The following DSCAM variants were observed in gnomAD, a reference collection of about 807,000 sequenced individuals.
DSCAM encodes DS cell adhesion molecule, also known as cell adhesion molecule DSCAM.
In DSCAM, 47 loss-of-function variants were observed where a neutral mutation model predicts 217.7. The ratio of observed to expected loss-of-function variants is 0.22; its 90% confidence interval spans 0.17 to 0.28. DSCAM has a LOEUF of 0.28. DSCAM is among the 10% of genes least tolerant of loss of function. The pLI is 1.00. For missense variants in DSCAM, 2,080 were observed against 2,618.3 expected (o/e 0.79, Z 4.49); for synonymous variants, 1,056 against 1,015.3 (o/e 1.04, Z -0.76).
chr21:40,156,499 A>G (rs1170336062), intron 16 of DSCAM, among the ~76,000 whole-genome samples: 1 of 152,184 alleles, frequency 6.6e-6, no homozygotes. Flanking sequence ...AACTGGAAGG[A>G]ATTCCTGAGT....
chr21:40,543,912 T>C (rs2076561080), intron 3 of DSCAM, among the ~76,000 whole-genome samples: 1 of 152,202 alleles, frequency 6.6e-6, no homozygotes, highest in South Asian at 2.1e-4. Context: ...TTGTGTTCAT[T>C]ATTTGTCTCA....
intron 3 of DSCAM, among the ~76,000 whole-genome samples, chr21:40,623,382 G>A (rs918121147): frequency 1.3e-5 from 2 of 152,180 alleles, no homozygotes; most frequent in African/African-American, 4.8e-5. Flanking sequence ...AAATTGTGAT[G>A]TGTATATGTA....
chr21:40,567,962 G>A (rs1384125038), intron 3 of DSCAM, among the ~76,000 whole-genome samples: 2 of 151,650 alleles, frequency 1.3e-5, no homozygotes, highest in Non-Finnish European at 2.9e-5. Context: ...TTTTGAGACT[G>A]ACTCTCATTC....
At chr21:40,078,082 T>C (rs965321328) in intron 26 of DSCAM, among the ~76,000 whole-genome samples, 21 of 152,212 alleles carry the variant, frequency 1.4e-4, no homozygotes, top group Non-Finnish European at 2.9e-5. Flanking sequence ...TTAAACCATT[T>C]ATTTTTGGTT....
intron 18 of DSCAM, among the ~76,000 whole-genome samples, chr21:40,139,468 G>A (rs990233675): frequency 3.3e-5 from 5 of 152,032 alleles, no homozygotes; most frequent in African/African-American, 7.3e-5. Context: ...GGGAAGGGTT[G>A]CGTTCTTCTG....
Position 40,476,492 on chromosome 21 carries a change from G to A in DSCAM, c.509-107247C>T, listed in dbSNP as rs141433727. ...TCATAATAATATTGATGATGATAGTGACAATCACAAACATTTAATAAGAGG... is the reference window on the plus strand; with the variant it reads ...TCATAATAATATTGATGATGATAGTAACAATCACAAACATTTAATAAGAGG... On this transcript the variant is annotated intron_variant, in intron 3 of 32. Coordinates refer to ENST00000400454, the MANE Select transcript of DSCAM (RefSeq NM_001389.5). 6.3e-3 allele frequency among the ~76,000 whole-genome samples: 956 copies of A among 152,310 alleles called. 6 individuals are homozygous for A. The highest frequency in any genetic ancestry group is 9.2e-3 in the Non-Finnish European group (623 of 68,034).
chr21:40,050,676 T>C (rs1037752315), intron 30 of DSCAM, among the ~76,000 whole-genome samples: 8 of 151,974 alleles, frequency 5.3e-5, no homozygotes, highest in African/African-American at 1.7e-4. Flanking sequence ...AGAGACGAGG[T>C]TTCACCATGT....
chr21:40,372,623 C>T (rs1359605515), intron 3 of DSCAM, among the ~76,000 whole-genome samples: 1 of 152,190 alleles, frequency 6.6e-6, no homozygotes. Flanking sequence ...CCCAGACTGC[C>T]AGATGTTCAA....
intron 14 of DSCAM, among the ~76,000 whole-genome samples, chr21:40,180,181 A>G (rs1025950866): frequency 6.6e-6 from 1 of 152,276 alleles, no homozygotes; most frequent in Admixed American, 6.5e-5. Flanking sequence ...CAAATAAACC[A>G]CAAATACATG....
At chr21:40,141,937 C>G (rs994932185) in intron 18 of DSCAM, among the ~76,000 whole-genome samples, 1 of 149,862 alleles carries the variant, frequency 6.7e-6, no homozygotes, top group Admixed American at 6.7e-5. Context: ...AAAGCCTTGC[C>G]CTAAACAAAC....
chr21:40,785,674 C>T (rs998600178), intron 1 of DSCAM, among the ~76,000 whole-genome samples: 7 of 152,148 alleles, frequency 4.6e-5, no homozygotes, highest in Non-Finnish European at 7.4e-5. Flanking sequence ...GGTGTCCTGT[C>T]GTTCATTCAT....
chr21:40,416,850 G>A (rs759083841), intron 3 of DSCAM, among the ~76,000 whole-genome samples: 11 of 152,126 alleles, frequency 7.2e-5, no homozygotes, highest in African/African-American at 2.7e-4. Flanking sequence ...AAACAGAAAT[G>A]TAAATAAAAT....
chr21:40,308,407 T>C (rs180942133), intron 9 of DSCAM, among the ~76,000 whole-genome samples: 98 of 151,692 alleles, frequency 6.5e-4, no homozygotes, highest in Non-Finnish European at 1.1e-3. Context: ...TCTGGCTAGT[T>C]AGAACTCCAG....
chr21:40,065,666 C>G (rs1311791773), intron 27 of DSCAM, among the ~76,000 whole-genome samples: 1 of 152,162 alleles, frequency 6.6e-6, no homozygotes, highest in Non-Finnish European at 1.5e-5. Flanking sequence ...ACTCTCCTGC[C>G]TTCCAGGTCT....
chr21:40,109,724 C>T (rs1246061289), intron 20 of DSCAM, among the ~76,000 whole-genome samples: 6 of 152,224 alleles, frequency 3.9e-5, no homozygotes, highest in Non-Finnish European at 8.8e-5. Context: ...CACCCTAATA[C>T]TGCACTTTTC....
intron 3 of DSCAM, among the ~76,000 whole-genome samples, chr21:40,544,702 T>C (rs2076567586): frequency 6.6e-6 from 1 of 152,172 alleles, no homozygotes; most frequent in African/African-American, 2.4e-5. Flanking sequence ...GTGAGAATAA[T>C]TTTTTTAAGC....
intron 3 of DSCAM, among the ~76,000 whole-genome samples, chr21:40,385,949 G>C (rs1408910756): frequency 6.6e-6 from 1 of 152,172 alleles, no homozygotes; most frequent in Non-Finnish European, 1.5e-5. Flanking sequence ...TTTTGCCTTC[G>C]TGCTTTCAAG....
chr21:40,466,054 A>G (rs2075842772), intron 3 of DSCAM, among the ~76,000 whole-genome samples: 1 of 152,224 alleles, frequency 6.6e-6, no homozygotes, highest in African/African-American at 2.4e-5. Flanking sequence ...GTGCAATAAA[A>G]ATGGAACTGT....
At chr21:40,445,997 G>A (rs1601650299) in intron 3 of DSCAM, among the ~76,000 whole-genome samples, 2 of 152,138 alleles carry the variant, frequency 1.3e-5, no homozygotes, top group African/African-American at 4.8e-5. Flanking sequence ...CTTAATGAGG[G>A]ATCAACTTGC....
Sources: gnomAD v4.1 joint callset for allele counts (sites outside exome capture counted in the v4.1 genomes callset) on GRCh38, gnomAD v4.1.1 for gene constraint, MANE v1.5 for transcripts, NCBI Gene and HGNC (gene_info 2026-07-23, HGNC 2026-07-21) for gene names.